ZHX3: variants seen among roughly 807,000 people sequenced by gnomAD.
ZHX3 encodes the protein zinc fingers and homeoboxes 3.
In ZHX3, 20 loss-of-function variants were observed where a neutral mutation model predicts 64.5. The ratio of observed to expected loss-of-function variants is 0.31; its 90% CI spans 0.22 to 0.45. The LOEUF (loss-of-function observed/expected upper bound fraction) is 0.45, where lower values mean the gene tolerates loss of function less well. Among genes scored for constraint, ZHX3 ranks in the 20% least tolerant of loss-of-function variants. The pLI, the probability that ZHX3 is intolerant of heterozygous loss-of-function variation, is 1.00. For missense variants in ZHX3, 1,041 were observed against 1,195.8 expected, an observed-to-expected ratio of 0.87 and a Z score of 1.91; for synonymous variants, 423 against 461.6, an observed-to-expected ratio of 0.92 and a Z score of 1.07.
At chr20:41,317,008 T>A (rs1299667385) in intron 1 of ZHX3, 1 of 152,440 alleles carries the variant, frequency 6.6e-6, no homozygotes, top group Non-Finnish European at 1.5e-5. Flanking sequence ...TGACGCTCTT[T>A]ACACCGGGGG....
chr20:41,239,860 A>G (rs2041265476), intron 2 of ZHX3, among the ~76,000 whole-genome samples: 1 of 152,258 alleles, frequency 6.6e-6, no homozygotes, highest in Admixed American at 6.5e-5. Flanking sequence ...TTTAACAAAG[A>G]CAAATGTTTA....
At chr20:41,312,217 G>A (rs771452377) in intron 1 of ZHX3, among the ~76,000 whole-genome samples, 12 of 152,044 alleles carry the variant, frequency 7.9e-5, no homozygotes, top group South Asian at 2.1e-4. Flanking sequence ...TTTGTAAAAC[G>A]CACCAATCAG....
At chr20:41,234,656 C>G (rs1017731647) in intron 2 of ZHX3, among the ~76,000 whole-genome samples, 2 of 152,320 alleles carry the variant, frequency 1.3e-5, no homozygotes, top group South Asian at 4.1e-4. Flanking sequence ...AAACCCAACC[C>G]GATTACAGTG....
chr20:41,275,415 T>C (rs2043331271), intron 1 of ZHX3, among the ~76,000 whole-genome samples: 1 of 152,110 alleles, frequency 6.6e-6, no homozygotes, highest in African/African-American at 2.4e-5. Context: ...CCAGGAAGTT[T>C]AAGTTGAAGA....
At chr20:41,235,138 TGCACACATGGCTGGGAGTGGGGG>T (rs1267403695) in intron 2 of ZHX3, among the ~76,000 whole-genome samples, 1 of 152,168 alleles carries the variant, frequency 6.6e-6, no homozygotes, top group Non-Finnish European at 1.5e-5. Flanking sequence ...TGTGTGTATG[TGCACACATGGCTGGGAGTGGGGG>T]GTAGTGCCAA....
chr20:41,263,469 A>T (rs1279620979), intron 2 of ZHX3, among the ~76,000 whole-genome samples: 1 of 149,622 alleles, frequency 6.7e-6, no homozygotes, highest in African/African-American at 2.5e-5. Context: ...ATCTCGGCTC[A>T]CTGCAACCTC....
rs1222155057 is a variant in ZHX3 at position 41,224,759 on chromosome 20, T to G, written c.-150-19693A>C. Among the ~76,000 whole-genome samples the G allele has an allele frequency of 6.6e-6, 1 of 152,228 alleles. No individual in the cohort carries two copies. Among genetic ancestry groups the G allele is most frequent in the African/African-American group, 2.4e-5 (1 of 41,452 alleles). On this transcript the variant is annotated intron_variant, in intron 2 of 3. Coordinates refer to ENST00000683867, the MANE Select transcript of ZHX3 (RefSeq NM_001384317.1). The surrounding 1 kb of genome is among the most constrained non-coding windows in gnomAD (Gnocchi z 5.2). ...AGAGGACTTCTGAGCTATCTTCCCC[T>G]TTGCCTCTTTGAAATCTACCTTCTT...
rs760094000 is a variant in ZHX3, at chr20:41,185,061, T to C, written c.*130A>G. On this transcript the variant is annotated 3_prime_UTR_variant, in exon 4 of 4. Coordinates refer to ENST00000683867, the MANE Select transcript of ZHX3 (RefSeq NM_001384317.1). The surrounding 1 kb of genome is among the most constrained non-coding windows in gnomAD (Gnocchi z 5.0). ...GGCTCTGGGCTGTCTGCGAGGATTC[T>C]GGAAGCTCTCCCAGGTGCCCAGCAG... The C allele has an allele frequency of 5.8e-5, 90 of 1,553,318 alleles. No homozygotes were observed. Among genetic ancestry groups the C allele is most frequent in the Non-Finnish European group, 7.8e-5 (89 of 1,147,714 alleles).
intron 2 of ZHX3, among the ~76,000 whole-genome samples, chr20:41,234,291 G>A (rs1343994379): frequency 2.0e-5 from 3 of 152,186 alleles, no homozygotes; most frequent in Non-Finnish European, 4.4e-5. Context: ...TGAAGCACAA[G>A]CAAAATTTGA....
chr20:41,234,990 A>G (rs1013030080), intron 2 of ZHX3, among the ~76,000 whole-genome samples: 2 of 152,232 alleles, frequency 1.3e-5, no homozygotes, highest in Non-Finnish European at 2.9e-5. Context: ...TCAGCTATAC[A>G]TTGTTTAGTA....
In ZHX3 at chr20:41,201,469, T is replaced by G. The variant is rs1282974208; in HGVS notation, c.2860+588A>C. ...AAAAATAATCTTCTATGATACATTT[T>G]GCTTTCGAGTACAATCCAGAGAAAC... On this transcript the variant is annotated intron_variant, in intron 3 of 3. Coordinates refer to ENST00000683867, the MANE Select transcript of ZHX3 (RefSeq NM_001384317.1). This position sits in a 1 kb window ranked among gnomAD's most constrained non-coding sequence, Gnocchi z 5.0. The G allele has an allele frequency of 4.7e-6, 5 of 1,074,748 alleles. No homozygotes were observed. Among genetic ancestry groups the G allele is most frequent in the Non-Finnish European group, 6.3e-6 (5 of 788,266 alleles). The allele number at this position is 1,074,748 out of a possible 1,614,324, so 66.6% of individuals were successfully genotyped here. A position where few individuals can be genotyped will look rare whatever the true frequency, so the allele number is the denominator to read the frequency against.
chr20:41,317,489 T>C lies in ZHX3; in HGVS notation c.-245+20A>G, dbSNP rs1360311379. 1 of 150,538 alleles carries C rather than the reference T, an allele frequency of 6.6e-6. No individual in the cohort carries two copies. The highest frequency in any genetic ancestry group is 1.5e-5 in the Non-Finnish European group (1 of 67,528). The allele number at this position is 150,538 out of a possible 1,614,324, so 9.3% of individuals were successfully genotyped here. ...AGCCGCGGGGGCACGCGGGGCCGGCTGGCCGTGGCGGGCGCTCACCTGGCA... is the reference window on the plus strand; with the variant it reads ...AGCCGCGGGGGCACGCGGGGCCGGCCGGCCGTGGCGGGCGCTCACCTGGCA... On this transcript the variant is annotated intron_variant, in intron 1 of 3. Transcript: ENST00000683867.
intron 3 of ZHX3, among the ~76,000 whole-genome samples, chr20:41,192,736 G>A (rs988750057): frequency 2.0e-5 from 3 of 152,254 alleles, no homozygotes; most frequent in African/African-American, 4.8e-5. Context: ...CTTTTGGGGG[G>A]TGGGCTTTAA....
In ZHX3 at chr20:41,203,284, G is replaced by A. The variant is rs181902066; in HGVS notation, c.1633C>T (p.Arg545Cys). ...TREVRKWFSD[R>C]RYHCRNLKGS... ...TTCAAGTTCCGGCAGTGGTATCTAC[G>A]ATCACTGAACCATTTCCGCACCTCT... The change falls in exon 3 of 4, where the codon CGT becomes TGT. Residue 545 changes from arginine to cysteine, a missense_variant. By Grantham distance (180) the Arg-to-Cys change is radical. This residue lies in a region of ZHX3 where 649 missense variants were observed against 739.8 expected (regional missense o/e 0.88). Transcript: ENST00000683867. This position sits in a 1 kb window ranked among gnomAD's most constrained non-coding sequence, Gnocchi z 7.1. The A allele has an allele frequency of 2.5e-6, 4 of 1,613,992 alleles. No homozygotes were observed. Among genetic ancestry groups the A allele is most frequent in the African/African-American group, 2.7e-5 (2 of 74,896 alleles).
chr20:41,313,171 G>A (rs187794795), intron 1 of ZHX3, among the ~76,000 whole-genome samples: 214 of 152,318 alleles, frequency 1.4e-3, no homozygotes, highest in Non-Finnish European at 2.5e-3. Context: ...ACAGTGAGAC[G>A]GAAGGCTGAA....
intron 2 of ZHX3, among the ~76,000 whole-genome samples, chr20:41,211,607 GCTT>G (rs1169961855): frequency 1.3e-5 from 2 of 152,088 alleles, no homozygotes; most frequent in East Asian, 3.9e-4. Context: ...ACACATTTGT[GCTT>G]TTTTCACCAA....
At chr20:41,258,202 G>A (rs932127806) in intron 2 of ZHX3, among the ~76,000 whole-genome samples, 1 of 152,128 alleles carries the variant, frequency 6.6e-6, no homozygotes, top group Non-Finnish European at 1.5e-5. Flanking sequence ...ACCTAGCCAA[G>A]ATTTCTTTTA....
rs187569542 is a variant in ZHX3 at position 41,197,431 on chromosome 20, A to T, written c.2860+4626T>A. Among the ~76,000 whole-genome samples the T allele has an allele frequency of 6.4e-3, 938 of 147,510 alleles. 7 individuals are homozygous for T. The highest frequency in any genetic ancestry group is 0.014 in the African/African-American group (564 of 40,626). On this transcript the variant is annotated intron_variant, in intron 3 of 3. Transcript: ENST00000683867. ...AATTGTATATATTTAAAATATATAT[A>T]TTTTTTTTCTCCAGAAAAAACAGAT...
rs2036470682 is a variant in ZHX3 at position 41,185,798 on chromosome 20, T to C, written c.2861-597A>G. ...CAGGTACAGATAAACAGATTGGCCC[T>C]TCCTGTACCCACAGTTACCTGTCTC... On this transcript the variant is annotated intron_variant, in intron 3 of 3. Coordinates refer to ENST00000683867, the MANE Select transcript of ZHX3 (RefSeq NM_001384317.1). This position sits in a 1 kb window ranked among gnomAD's most constrained non-coding sequence, Gnocchi z 5.0. The C allele has an allele frequency of 6.5e-6, 1 of 153,274 alleles. No individual in the cohort carries two copies. Among genetic ancestry groups the C allele is most frequent in the South Asian group, 2.1e-4 (1 of 4,858 alleles). The allele number at this position is 153,274 out of a possible 1,614,324, so 9.5% of individuals were successfully genotyped here.
Sources: allele counts gnomAD v4.1 joint callset (sites outside exome capture counted in the v4.1 genomes callset), GRCh38; gene constraint gnomAD v4.1.1; regional missense constraint gnomAD v4.1.1; non-coding constraint Gnocchi (gnomAD v3.1); transcripts MANE v1.5; gene names NCBI Gene and HGNC (gene_info 2026-07-23, HGNC 2026-07-21).